Variants in CCSER1 observed in about 807,000 individuals in gnomAD.
CCSER1 encodes the protein serine-rich coiled-coil domain-containing protein 1.
In CCSER1, 41 loss-of-function variants were observed where a neutral mutation model predicts 82.0. That is an observed-to-expected ratio of 0.50 (90% CI 0.39 to 0.65). The LOEUF (loss-of-function observed/expected upper bound fraction) is 0.65, where lower values mean the gene tolerates loss of function less well. Among genes scored for constraint, CCSER1 ranks in the 30% least tolerant of loss-of-function variants. CCSER1 has a pLI of 0.00. For missense variants in CCSER1, 1,119 were observed against 1,064.2 expected, an observed-to-expected ratio of 1.05 and a Z score of -0.72; for synonymous variants, 414 against 383.9, an observed-to-expected ratio of 1.08 and a Z score of -0.92.
intron 10 of CCSER1, among the ~76,000 whole-genome samples, chr4:91,208,307 C>T (rs970897125): frequency 3.3e-5 from 5 of 151,910 alleles, no homozygotes; most frequent in Non-Finnish European, 7.4e-5. Context: ...TTGCCAGTTC[C>T]TATGTCCAAA....
At chr4:91,576,714 A>C (rs1255671244) in intron 10 of CCSER1, among the ~76,000 whole-genome samples, 1 of 152,056 alleles carries the variant, frequency 6.6e-6, no homozygotes, top group Non-Finnish European at 1.5e-5. Flanking sequence ...CTTTATACAC[A>C]CAGGCTGAAG....
chr4:90,532,632 A>T (rs1170428890), intron 5 of CCSER1, among the ~76,000 whole-genome samples: 3 of 152,124 alleles, frequency 2.0e-5, no homozygotes, highest in African/African-American at 7.2e-5. Flanking sequence ...ACAATAGGTA[A>T]ATAAATAGCT....
chr4:90,794,317 T>C (rs979895501), intron 7 of CCSER1, among the ~76,000 whole-genome samples: 2 of 152,218 alleles, frequency 1.3e-5, no homozygotes, highest in Non-Finnish European at 2.9e-5. Context: ...AAGTCTTTAA[T>C]CCATCTTGAG....
intron 5 of CCSER1, among the ~76,000 whole-genome samples, chr4:90,469,688 A>T (rs1367839505): frequency 6.6e-6 from 1 of 152,116 alleles, no homozygotes; most frequent in African/African-American, 2.4e-5. Context: ...TGACCATTCT[A>T]TAGCTTCAGC....
chr4:90,249,321 CTTA>C (rs1032268206), intron 1 of CCSER1, among the ~76,000 whole-genome samples: 1 of 152,072 alleles, frequency 6.6e-6, no homozygotes, highest in African/African-American at 2.4e-5. Flanking sequence ...TATCAAATTG[CTTA>C]TTAATAGTTT....
chr4:90,462,369 G>A (rs1578592679), intron 4 of CCSER1, among the ~76,000 whole-genome samples: 1 of 152,258 alleles, frequency 6.6e-6, no homozygotes, highest in South Asian at 2.1e-4. Context: ...ACAAGGATGG[G>A]ATTTCTATCT....
At position 90,316,204 on chromosome 4, in the gene CCSER1, T is replaced by G. The variant is rs28529853; in HGVS notation, c.1509+3157T>G. Among the ~76,000 whole-genome samples the G allele has an allele frequency of 7.5e-3, 1,137 of 152,308 alleles. 13 individuals carry two copies. The highest frequency in any genetic ancestry group is 0.026 in the African/African-American group (1,096 of 41,582). On this transcript the variant is annotated intron_variant, in intron 3 of 10. Transcript: ENST00000509176. The stretch of plus-strand genomic sequence containing the variant: ...TTTGCGAAAGAGGAAAATAAGGTAC[T>G]GAGAAGATAAGCAGGTTGCCTAAAA...
intron 9 of CCSER1, among the ~76,000 whole-genome samples, chr4:90,926,784 C>T (rs575030971): frequency 1.6e-4 from 25 of 152,112 alleles, no homozygotes; most frequent in Admixed American, 3.3e-4. Flanking sequence ...ACCTCTTCCA[C>T]GTTCCTCTGT....
chr4:91,174,916 A>G (rs529342214), intron 10 of CCSER1, among the ~76,000 whole-genome samples: 2 of 151,812 alleles, frequency 1.3e-5, no homozygotes, highest in Admixed American at 1.3e-4. Flanking sequence ...TTGGAGTGCC[A>G]TACACATTAA....
intron 10 of CCSER1, 87 bp downstream of exon 10, chr4:91,086,081 T>C: frequency 1.3e-6 from 1 of 797,618 alleles, no homozygotes; most frequent in Non-Finnish European, 2.1e-6. Context: ...TTGACGATAA[T>C]TACGTTGATA....
At chr4:90,972,403 TA>T (rs1272280919) in intron 9 of CCSER1, among the ~76,000 whole-genome samples, 1 of 151,608 alleles carries the variant, frequency 6.6e-6, no homozygotes, top group Non-Finnish European at 1.5e-5. Context: ...AAAATGAAAT[TA>T]AGACAGCAAC....
intron 9 of CCSER1, among the ~76,000 whole-genome samples, chr4:91,046,206 A>T (rs62311027): frequency 0.37 from 55,786 of 151,322 alleles, 11,481 homozygotes; most frequent in East Asian, 0.63. Context: ...AATTTTTTCA[A>T]TAACTGTTTG....
In CCSER1 at chr4:91,547,398, G is replaced by A. The variant is rs564317504; in HGVS notation, c.2218-51174G>A. Among the ~76,000 whole-genome samples, 7 of 152,254 alleles carry A rather than the reference G, an allele frequency of 4.6e-5. No individual in the cohort carries two copies. In the South Asian group the frequency reaches 6.2e-4, roughly 14 times the overall value. Reference sequence around the variant, plus strand: ...ATGCTTTGTTGTTAGGCACATACACGTTAAGGATTGTTACATTTTCTTGGA... The same window carrying A: ...ATGCTTTGTTGTTAGGCACATACACATTAAGGATTGTTACATTTTCTTGGA... On this transcript the variant is annotated intron_variant, in intron 10 of 10. Coordinates refer to ENST00000509176, the MANE Select transcript of CCSER1 (RefSeq NM_001145065.2).
At chr4:91,403,290 T>A (rs1578372297) in intron 10 of CCSER1, among the ~76,000 whole-genome samples, 1 of 152,298 alleles carries the variant, frequency 6.6e-6, no homozygotes, top group East Asian at 1.9e-4. Flanking sequence ...TTAAGGAGAT[T>A]TTGGGCTGAG....
At chr4:90,442,971 G>T (rs1760120356) in intron 4 of CCSER1, among the ~76,000 whole-genome samples, 1 of 152,090 alleles carries the variant, frequency 6.6e-6, no homozygotes, top group African/African-American at 2.4e-5. Context: ...CCCAGTGGAT[G>T]TAAGTCCCCC....
In CCSER1 at chr4:91,346,534, AGT is replaced by A. The variant is rs556870130; in HGVS notation, c.2218-252033_2218-252032del. Among the ~76,000 whole-genome samples the A allele has an allele frequency of 7.2e-5, 11 of 152,302 alleles. No individual in the cohort carries two copies. In the East Asian group the frequency reaches 2.1e-3, roughly 29 times the overall value. ...CACAATTGCTGGATCCTATGATAAGAGTGTGTTTAATTTTATAAAAAATTGCA... is the reference window on the plus strand; with the variant it reads ...CACAATTGCTGGATCCTATGATAAGAGTGTTTAATTTTATAAAAAATTGCA... On this transcript the variant is annotated intron_variant, in intron 10 of 10. Coordinates refer to ENST00000509176, the MANE Select transcript of CCSER1 (RefSeq NM_001145065.2).
intron 10 of CCSER1, among the ~76,000 whole-genome samples, chr4:91,329,178 T>G (rs1746775380): frequency 6.6e-6 from 1 of 151,680 alleles, no homozygotes; most frequent in Non-Finnish European, 1.5e-5. Flanking sequence ...ACAAAAAGAG[T>G]AGTTAAAATA....
chr4:90,942,030 G>C (rs13119945), intron 9 of CCSER1, among the ~76,000 whole-genome samples: 66,003 of 151,588 alleles, frequency 0.44, 14,528 homozygotes, highest in Admixed American at 0.47. Flanking sequence ...ACCCTGCAAC[G>C]TCTGCCTCTC....
chr4:90,141,720 G>A (rs76400622), intron 1 of CCSER1, among the ~76,000 whole-genome samples: 4,421 of 152,270 alleles, frequency 0.029, 106 homozygotes, highest in South Asian at 0.06. Flanking sequence ...TTCCAACTTT[G>A]CCGATGAAAT....
Sources: allele counts gnomAD v4.1 joint callset (sites outside exome capture counted in the v4.1 genomes callset), GRCh38; gene constraint gnomAD v4.1.1; transcripts MANE v1.5; gene names NCBI Gene and HGNC (gene_info 2026-07-23, HGNC 2026-07-21).